Variants in MMP11 observed in about 807,000 individuals in gnomAD.
MMP11 encodes the protein stromelysin-3.
Under a neutral mutation model 49.5 loss-of-function variants are expected in MMP11, and 26 were observed. The ratio of observed to expected loss-of-function variants is 0.52; its 90% CI spans 0.38 to 0.73. The LOEUF (loss-of-function observed/expected upper bound fraction) is 0.73, where lower values mean the gene tolerates loss of function less well. Ranked by LOEUF, MMP11 falls within the 30% of genes least tolerant of loss-of-function variation. The pLI, the probability that MMP11 is intolerant of heterozygous loss-of-function variation, is 0.00. For synonymous variants in MMP11, 265 were observed against 282.3 expected, an observed-to-expected ratio of 0.94 and a Z score of 0.62; for missense variants, 624 against 671.2, an observed-to-expected ratio of 0.93 and a Z score of 0.78.
rs766897491 is a variant in MMP11 at position 23,779,375 on chromosome 22, G to A, written c.297G>A (p.Val99=). The change falls in exon 2 of 8, where the codon GTG becomes GTA. Residue 99 remains valine (V), a synonymous_variant. Transcript: ENST00000215743. ...LSARNRQKRF[V]LSGGRWEKTD... is the part of the protein sequence containing the mutation. ...CCCGCAACCGACAGAAGAGGTTCGTGCTTTCTGGCGGGCGCTGGGAGAAGA... is the reference window on the plus strand; with the variant it reads ...CCCGCAACCGACAGAAGAGGTTCGTACTTTCTGGCGGGCGCTGGGAGAAGA... 20 of 1,613,010 alleles carry A rather than the reference G, an allele frequency of 1.2e-5. No individual in the cohort carries two copies. The Middle Eastern group carries it at 4.9e-4, about 40-fold the overall frequency.
intron 1 of MMP11, among the ~76,000 whole-genome samples, chr22:23,773,419 G>A (rs1283979802): frequency 6.6e-6 from 1 of 152,210 alleles, no homozygotes; most frequent in Non-Finnish European, 1.5e-5. Context: ...TGGGATGAAG[G>A]ATAAAGGGAG....
rs1927723570 is a variant in MMP11 at position 23,783,525 on chromosome 22, C to T, written c.1448C>T (p.Pro483Leu). ...CCTGACTTCTTTGGCTGTGCCGAGCCTGCCAACACTTTCCTCTGACCATGG... is the reference window on the plus strand; with the variant it reads ...CCTGACTTCTTTGGCTGTGCCGAGCTTGCCAACACTTTCCTCTGACCATGG... ...VGPDFFGCAE[P>L]ANTFL Residue 483 changes from proline to leucine, a missense_variant, in exon 8 of 8, where the codon CCT (proline) becomes CTT (leucine). Physicochemically the swap from Pro to Leu is moderately conservative, Grantham distance 98. Transcript: ENST00000215743. 6.2e-7 allele frequency: 1 copy of T among 1,614,232 alleles called. No homozygotes were observed. The highest frequency in any genetic ancestry group is 8.5e-7 in the Non-Finnish European group (1 of 1,180,026).
chr22:23,782,656 T>G, intron 7 of MMP11, 173 bp downstream of exon 7: 1 of 761,702 alleles, frequency 1.3e-6, no homozygotes, highest in Admixed American at 2.9e-5. Flanking sequence ...ACATTCCATA[T>G]TGCAGATGAG....
Position 23,781,246 on chromosome 22 carries a change from C to A in MMP11, c.912C>A (p.Ile304=). The A allele has an allele frequency of 6.2e-7, 1 of 1,611,642 alleles. No individual in the cohort carries two copies. Among genetic ancestry groups the A allele is most frequent in the Non-Finnish European group, 8.5e-7 (1 of 1,180,030 alleles). The change falls in exon 6 of 8, where the codon ATC becomes ATA. Residue 304 remains isoleucine (I), a synonymous_variant. Transcript: ENST00000215743. ...CEASFDAVST[I]RGELFFFKAG... ...CCTCCTTTGACGCGGTCTCCACCAT[C>A]CGAGGCGAGCTCTTTTTCTTCAAAG... is the stretch of plus-strand genomic sequence containing the variant.
At position 23,783,750 on chromosome 22, in the gene MMP11, C is replaced by A. The variant is rs768862724; in HGVS notation, c.*206C>A. On this transcript the variant is annotated 3_prime_UTR_variant, in exon 8 of 8. Coordinates refer to ENST00000215743, the MANE Select transcript of MMP11 (RefSeq NM_005940.5). The stretch of plus-strand genomic sequence containing the variant: ...GTCACCTGCCAGCGACTGTCTCAGA[C>A]TGGGCAGGGAGGCTTTGGCATGACT... The A allele has an allele frequency of 1.2e-5, 8 of 652,044 alleles. No homozygotes were observed. The South Asian group carries it at 1.5e-4, about 12-fold the overall frequency. 40.4% of individuals were successfully genotyped at this position (652,044 alleles called of 1,614,324 possible). A position where few individuals can be genotyped will look rare whatever the true frequency, so the allele number is the denominator to read the frequency against.
At chr22:23,777,787 C>T (rs907563828) in intron 1 of MMP11, 1 of 152,336 alleles carries the variant, frequency 6.6e-6, no homozygotes, top group Non-Finnish European at 1.5e-5. Context: ...ACCCACAACC[C>T]AGTGAGACTG....
chr22:23,780,060 A>C lies in MMP11; in HGVS notation c.339-299A>C. Reference sequence around the variant, plus strand: ...CCTGGGAACCAACAGGGGCTCAAGGAACCAAGGTGTCCCCACAGTAAGTGG... The same window carrying C: ...CCTGGGAACCAACAGGGGCTCAAGGCACCAAGGTGTCCCCACAGTAAGTGG... On this transcript the variant is annotated intron_variant, in intron 2 of 7. Transcript: ENST00000215743. This position sits in a 1 kb window ranked among gnomAD's most constrained non-coding sequence, Gnocchi z 4.6. 1 of 443,842 alleles carries C rather than the reference A, an allele frequency of 2.3e-6. No individual in the cohort carries two copies. Among genetic ancestry groups the C allele is most frequent in the South Asian group, 3.2e-5 (1 of 31,298 alleles). 27.5% of individuals were successfully genotyped at this position (443,842 alleles called of 1,614,324 possible). A position where few individuals can be genotyped will look rare whatever the true frequency, so the allele number is the denominator to read the frequency against.
At chr22:23,779,477 C>A in intron 2 of MMP11, 61 bp downstream of exon 2, 2 of 1,394,632 alleles carry the variant, frequency 1.4e-6, no homozygotes, top group South Asian at 1.3e-5. Context: ...AAGCCAGCTG[C>A]CCTCACAGCT....
rs756798020 is a variant in MMP11 at position 23,772,925 on chromosome 22, ATGC to A, written c.69_71del (p.Leu24del). The stretch of plus-strand genomic sequence containing the variant: ...GGCCGCGCGCGCCCTCCTGCCCCCG[ATGC>A]TGCTGCTGCTGCTCCAGCCGCCGCC... On this transcript the variant is annotated inframe_deletion, in exon 1 of 8. Transcript: ENST00000215743. 119 of 1,207,242 alleles carry A rather than the reference ATGC, an allele frequency of 9.9e-5. No homozygotes were observed. Among genetic ancestry groups the A allele is most frequent in the Admixed American group, 5.1e-4 (13 of 25,394 alleles). The allele number at this position is 1,207,242 out of a possible 1,614,324, so 74.8% of individuals were successfully genotyped here.
At chr22:23,773,025 G>A in intron 1 of MMP11, 47 bp downstream of exon 1, 1 of 1,153,306 alleles carries the variant, frequency 8.7e-7, no homozygotes, top group Non-Finnish European at 1.1e-6. Context: ...GGGGGCGCCG[G>A]GCACGCGGGC....
intron 2 of MMP11, 170 bp downstream of exon 2, chr22:23,779,586 C>A: frequency 1.6e-6 from 1 of 626,150 alleles, no homozygotes; most frequent in Non-Finnish European, 2.8e-6. Context: ...CCCCTGAAAC[C>A]CCAACTTAGA....
chr22:23,783,150 G>C (rs1415465666), intron 7 of MMP11, among the ~76,000 whole-genome samples: 1 of 152,150 alleles, frequency 6.6e-6, no homozygotes, highest in African/African-American at 2.4e-5. Context: ...CTGAGAGGTG[G>C]GACTCAGGCC....
chr22:23,783,608 C>T lies in MMP11; in HGVS notation c.*64C>T, dbSNP rs1424261082. Reference sequence around the variant, plus strand: ...AGGCCACGAATATCAGGCTAGAGACCCATGGCCATCTTTGTGGCTGTGGGC... The same window carrying T: ...AGGCCACGAATATCAGGCTAGAGACTCATGGCCATCTTTGTGGCTGTGGGC... On this transcript the variant is annotated 3_prime_UTR_variant, in exon 8 of 8. Transcript: ENST00000215743. The T allele has an allele frequency of 1.3e-6, 2 of 1,595,320 alleles. No individual in the cohort carries two copies. The highest frequency in any genetic ancestry group is 2.7e-5 in the African/African-American group (2 of 74,520).
In MMP11 at chr22:23,780,219, C is replaced by T; in HGVS notation, c.339-140C>T. The T allele has an allele frequency of 9.7e-7, 1 of 1,034,930 alleles. No homozygotes were observed. Among genetic ancestry groups the T allele is most frequent in the Non-Finnish European group, 1.4e-6 (1 of 706,604 alleles). The allele number at this position is 1,034,930 out of a possible 1,614,324, so 64.1% of individuals were successfully genotyped here. On this transcript the variant is annotated intron_variant, in intron 2 of 7. Coordinates refer to ENST00000215743, the MANE Select transcript of MMP11 (RefSeq NM_005940.5). This position sits in a 1 kb window ranked among gnomAD's most constrained non-coding sequence, Gnocchi z 4.6. Reference sequence around the variant, plus strand: ...CCATGTGGCCAGGGAGACCAGTGCGCTGAAGCTGAGGCCCAGAGTACACCT... The same window carrying T: ...CCATGTGGCCAGGGAGACCAGTGCGTTGAAGCTGAGGCCCAGAGTACACCT...
chr22:23,783,146 G>A (rs1927703853), intron 7 of MMP11, among the ~76,000 whole-genome samples: 1 of 152,208 alleles, frequency 6.6e-6, no homozygotes, highest in African/African-American at 2.4e-5. Context: ...TTTCCTGAGA[G>A]GTGGGACTCA....
At chr22:23,776,475 C>T (rs934773855) in intron 1 of MMP11, among the ~76,000 whole-genome samples, 6 of 152,196 alleles carry the variant, frequency 3.9e-5, no homozygotes, top group African/African-American at 1.2e-4. Context: ...GGAAGCCCAA[C>T]GAACCTGCCT....
At chr22:23,775,837 G>A (rs1458567618) in intron 1 of MMP11, among the ~76,000 whole-genome samples, 1 of 152,238 alleles carries the variant, frequency 6.6e-6, no homozygotes, top group Non-Finnish European at 1.5e-5. Context: ...AGCGTGGGAG[G>A]GGAGGGCCTA....
rs199597366 is a variant in MMP11, at chr22:23,780,598, G to A, written c.499G>A (p.Asp167Asn). 2.1e-5 allele frequency: 34 copies of A among 1,598,510 alleles called. 1 individual carries two copies. Among genetic ancestry groups the A allele is most frequent in the Middle Eastern group, 3.3e-4 (2 of 5,998 alleles). ...IDFARYWHGD[D>N]LPFDGPGGIL... ...CATCTGTAGGTACTGGCATGGGGAC[G>A]ACCTGCCGTTTGATGGGCCTGGGGG... Residue 167 changes from aspartate (D) to asparagine (N), a missense_variant, in exon 4 of 8, where the codon GAC (aspartate) becomes AAC (asparagine). Physicochemically the swap from Asp to Asn is conservative, Grantham distance 23. Transcript: ENST00000215743. This position sits in a 1 kb window ranked among gnomAD's most constrained non-coding sequence, Gnocchi z 4.6.
At position 23,783,786 on chromosome 22, in the gene MMP11, G is replaced by C. The variant is rs1233058052; in HGVS notation, c.*242G>C. 1.8e-6 allele frequency: 1 copy of C among 570,180 alleles called. No individual in the cohort carries two copies. The highest frequency in any genetic ancestry group is 3.1e-6 in the Non-Finnish European group (1 of 318,662). The allele number at this position is 570,180 out of a possible 1,614,324, so 35.3% of individuals were successfully genotyped here. ...GGCTTTGGCATGACTTAAGAGGAAGGGCAGTCTTGGGCCCGCTATGCAGGT... is the reference window on the plus strand; with the variant it reads ...GGCTTTGGCATGACTTAAGAGGAAGCGCAGTCTTGGGCCCGCTATGCAGGT... On this transcript the variant is annotated 3_prime_UTR_variant, in exon 8 of 8. Transcript: ENST00000215743.
Sources: allele counts gnomAD v4.1 joint callset (sites outside exome capture counted in the v4.1 genomes callset), GRCh38; gene constraint gnomAD v4.1.1; non-coding constraint Gnocchi (gnomAD v3.1); transcripts MANE v1.5; gene names NCBI Gene and HGNC (gene_info 2026-07-23, HGNC 2026-07-21).